Variants in THBS4 observed in about 807,000 individuals in gnomAD.
THBS4 encodes thrombospondin 4.
Under a neutral mutation model 115.7 loss-of-function variants are expected in THBS4, and 90 were observed. That is an observed-to-expected ratio of 0.78 (90% CI 0.66 to 0.93). The LOEUF (loss-of-function observed/expected upper bound fraction) is 0.93, where lower values mean the gene tolerates loss of function less well. Among genes scored for constraint, THBS4 ranks in the 40% least tolerant of loss-of-function variants. The pLI is 0.00. For missense variants in THBS4, 1,087 were observed against 1,232.7 expected, an observed-to-expected ratio of 0.88 and a Z score of 1.77; for synonymous variants, 460 against 479.3, an observed-to-expected ratio of 0.96 and a Z score of 0.53.
chr5:80,046,159 G>A (rs1331378889), intron 2 of THBS4, among the ~76,000 whole-genome samples: 2 of 152,200 alleles, frequency 1.3e-5, no homozygotes, highest in Admixed American at 1.3e-4. Context: ...AGGTGATAGA[G>A]GTAAGTCATA....
At chr5:79,991,864 GGA>G (rs1831681673) in intron 1 of THBS4, among the ~76,000 whole-genome samples, 1 of 152,186 alleles carries the variant, frequency 6.6e-6, no homozygotes, top group Non-Finnish European at 1.5e-5. Flanking sequence ...TACAAAGTTA[GGA>G]GCTCTGGGTT....
At position 80,072,351 on chromosome 5, in the gene THBS4, G is replaced by T. The variant is rs141977601; in HGVS notation, c.1794G>T (p.Val598=). ...RDQRDKDGDG[V]GDACDSCPDV... ...AACGGGACAAGGATGGTGATGGTGT[G>T]GGGGATGCCTGTGACAGTTGTCCTG... The change falls in exon 14 of 22, where the codon GTG becomes GTT. Residue 598 remains valine (V), a synonymous_variant. Coordinates refer to ENST00000350881, the MANE Select transcript of THBS4 (RefSeq NM_003248.6). The T allele has an allele frequency of 2.1e-4, 342 of 1,614,162 alleles. 5 individuals are homozygous for T. The highest frequency in any genetic ancestry group is 3.3e-4 in the South Asian group (30 of 91,078).
At chr5:80,035,308 C>T (rs1832675680), upstream of THBS4, 1 of 161,492 alleles carries the variant, frequency 6.2e-6, no homozygotes, top group African/African-American at 2.4e-5. The surrounding 1 kb of genome is among the most constrained non-coding windows in gnomAD (Gnocchi z 4.6). Flanking sequence ...CTCCCCCGCC[C>T]GGCCGCACCA....
Position 80,082,438 on chromosome 5 carries a change from C to A in THBS4, c.2717C>A (p.Ala906Asp), listed in dbSNP as rs774400899. The A allele has an allele frequency of 1.4e-5, 22 of 1,614,058 alleles. No homozygotes were observed. Among genetic ancestry groups the A allele is most frequent in the Non-Finnish European group, 1.9e-5 (22 of 1,180,010 alleles). ...VRFYEGSELV[A>D]DSGVTIDTTM... The stretch of plus-strand genomic sequence containing the variant: ...TTTTATGAAGGCTCTGAGTTGGTGG[C>A]TGACTCTGGCGTCACCATAGACACC... Residue 906 changes from alanine (A) to aspartate (D), a missense_variant, in exon 21 of 22, where the codon GCT (alanine) becomes GAT (aspartate). Around this residue, in one of 3 missense-constraint regions of THBS4, gnomAD observed 103 missense variants for 108.2 expected, o/e 0.95. Transcript: ENST00000350881.
intron 2 of THBS4, among the ~76,000 whole-genome samples, chr5:80,004,074 G>A (rs1831966298): frequency 6.6e-6 from 1 of 152,168 alleles, no homozygotes; most frequent in Non-Finnish European, 1.5e-5. Flanking sequence ...AGCCAAAAGG[G>A]TTCTGAAAAT....
intron 2 of THBS4, among the ~76,000 whole-genome samples, chr5:80,004,194 G>A (rs1425012859): frequency 6.6e-6 from 1 of 152,268 alleles, no homozygotes; most frequent in South Asian, 2.1e-4. Context: ...TGTCATTCAG[G>A]GTTGATTTAG....
At chr5:80,055,749 T>C in intron 2 of THBS4, 36 bp from the exon 3 acceptor site, 1 of 1,589,982 alleles carries the variant, frequency 6.3e-7, no homozygotes, top group African/African-American at 1.3e-5. Context: ...CCTCTGCCAC[T>C]TATCACACCA....
chr5:80,076,723 C>A, intron 15 of THBS4, 132 bp from the exon 16 acceptor site: 1 of 871,942 alleles, frequency 1.1e-6, no homozygotes, highest in Non-Finnish European at 1.7e-6. Flanking sequence ...AGGGAATGAC[C>A]CCAGTGGGTT....
In THBS4 at chr5:80,059,341, A is replaced by AG. The variant is rs1465870595; in HGVS notation, c.733-99_733-98insG. ...TGAGACTGTCTCAAAAAAAAAAAAA[A>AG]AAAAAGTGTTACATAGATAGCTCCA... On this transcript the variant is annotated intron_variant, in intron 5 of 21. Coordinates refer to ENST00000350881, the MANE Select transcript of THBS4 (RefSeq NM_003248.6). 13 of 1,182,636 alleles carry AG rather than the reference A, an allele frequency of 1.1e-5. No homozygotes were observed. In the African/African-American group the frequency reaches 1.6e-4, roughly 14 times the overall value. The allele number at this position is 1,182,636 out of a possible 1,614,324, so 73.3% of individuals were successfully genotyped here.
chr5:80,061,282 C>T (rs1833624721), intron 7 of THBS4, among the ~76,000 whole-genome samples: 1 of 152,148 alleles, frequency 6.6e-6, no homozygotes, highest in African/African-American at 2.4e-5. Context: ...CCGGCCCTGG[C>T]TTTGCCTTCT....
intron 2 of THBS4, among the ~76,000 whole-genome samples, chr5:80,010,915 GTTGGACAGATGGCAGCACAGCAGAGCATC>G (rs1203104358): frequency 2.0e-5 from 3 of 152,248 alleles, no homozygotes; most frequent in Non-Finnish European, 4.4e-5. Flanking sequence ...TAGCCTTGCA[GTTGGACAGATGGCAGCACAGCAGAGCATC>G]TGGGACAGGA....
At position 80,035,459 on chromosome 5, in the gene THBS4, C is replaced by G. The variant is rs1160662884; in HGVS notation, c.-79C>G. On this transcript the variant is annotated 5_prime_UTR_variant, in exon 1 of 22. Transcript: ENST00000350881. This position sits in a 1 kb window ranked among gnomAD's most constrained non-coding sequence, Gnocchi z 4.6. ...GCCGGCCCGGGCGCCGACCGAGGTT[C>G]AACGCACGGCCCGGGGACCCCCAGG... 4.7e-6 allele frequency: 5 copies of G among 1,065,554 alleles called. No homozygotes were observed. Among genetic ancestry groups the G allele is most frequent in the African/African-American group, 1.7e-5 (1 of 60,590 alleles). The allele number at this position is 1,065,554 out of a possible 1,614,324, so 66.0% of individuals were successfully genotyped here.
intron 13 of THBS4, chr5:80,071,887 CA>C (rs1834074438): frequency 5.3e-6 from 1 of 187,512 alleles, no homozygotes. Flanking sequence ...TCATCAAACA[CA>C]AAACTGAAAA....
At chr5:79,999,219 T>C (rs1831852880) in intron 2 of THBS4, among the ~76,000 whole-genome samples, 1 of 152,234 alleles carries the variant, frequency 6.6e-6, no homozygotes, top group African/African-American at 2.4e-5. Context: ...ATTACTAAAA[T>C]TAAGGGCTAT....
Position 80,040,266 on chromosome 5 carries a change from G to A in THBS4, c.278G>A (p.Gly93Glu), listed in dbSNP as rs1832855790. The change falls in exon 2 of 22, where the codon GGA becomes GAA. Residue 93 changes from glycine to glutamate, a missense_variant. Gly to Glu is a moderately conservative substitution (Grantham distance 98, BLOSUM62 -2). Around this residue, in one of 3 missense-constraint regions of THBS4, gnomAD observed 979 missense variants for 1,103.7 expected, o/e 0.89. Coordinates refer to ENST00000350881, the MANE Select transcript of THBS4 (RefSeq NM_003248.6). ...NSKYFEFTVM[G>E]RLNKAILRYL... ...AAATATTTTGAATTTACTGTGATGG[G>A]ACGCTTAAACAAAGGTAAGCAAATT... The A allele has an allele frequency of 1.9e-6, 3 of 1,613,368 alleles. No individual in the cohort carries two copies. Among genetic ancestry groups the A allele is most frequent in the Non-Finnish European group, 2.5e-6 (3 of 1,179,606 alleles).
intron 2 of THBS4, among the ~76,000 whole-genome samples, chr5:80,002,472 A>G (rs559378928): frequency 6.6e-6 from 1 of 150,988 alleles, no homozygotes; most frequent in East Asian, 2.0e-4. Flanking sequence ...TGCCTTGTAT[A>G]ACAGTCATGC....
At chr5:80,027,968 C>T (rs1303054525) in intron 2 of THBS4, among the ~76,000 whole-genome samples, 1 of 151,104 alleles carries the variant, frequency 6.6e-6, no homozygotes, top group Admixed American at 6.6e-5. Context: ...CAGCTCTATT[C>T]GACCTAAATC....
chr5:80,080,269 G>A (rs547680550), intron 20 of THBS4, 192 bp downstream of exon 20: 17 of 643,284 alleles, frequency 2.6e-5, no homozygotes, highest in East Asian at 1.1e-4. Flanking sequence ...CAGACCACCC[G>A]GACAGGACAG....
chr5:80,006,995 G>A (rs1832032043), intron 2 of THBS4, among the ~76,000 whole-genome samples: 1 of 152,190 alleles, frequency 6.6e-6, no homozygotes, highest in African/African-American at 2.4e-5. Context: ...AGATGCCTGA[G>A]GTGCATAAAT....
Sources: allele counts gnomAD v4.1 joint callset (sites outside exome capture counted in the v4.1 genomes callset), GRCh38; gene constraint gnomAD v4.1.1; regional missense constraint gnomAD v4.1.1; non-coding constraint Gnocchi (gnomAD v3.1); transcripts MANE v1.5; gene names NCBI Gene and HGNC (gene_info 2026-07-23, HGNC 2026-07-21).